The following NEDD1 variants were observed in gnomAD, a reference collection of about 807,000 sequenced individuals.
NEDD1 encodes protein NEDD1.
In NEDD1, 33 loss-of-function variants were observed where a neutral mutation model predicts 74.0. The ratio of observed to expected loss-of-function variants is 0.45; its 90% confidence interval spans 0.34 to 0.60. NEDD1 has a LOEUF of 0.60. Among genes scored for constraint, NEDD1 ranks in the 20% least tolerant of loss-of-function variants. NEDD1 has a pLI of 0.01. For missense variants in NEDD1, 746 were observed against 776.5 expected (o/e 0.96, Z 0.47); for synonymous variants, 250 against 264.4 (o/e 0.95, Z 0.53).
chr12:96,937,014 ATCTC>A (rs1325602145), intron 8 of NEDD1, among the ~76,000 whole-genome samples, 180 bp from the exon 9 acceptor site: 1 of 150,802 alleles, frequency 6.6e-6, no homozygotes, highest in Admixed American at 6.6e-5. Context: ...CTCCTTATAT[ATCTC>A]TCTTTTTAAA....
intron 6 of NEDD1, among the ~76,000 whole-genome samples, chr12:96,931,504 C>G (rs1266425661): frequency 6.6e-6 from 1 of 151,892 alleles, no homozygotes; most frequent in Admixed American, 6.6e-5. Context: ...GAGCAGTTTG[C>G]AAAAGAAGAA....
intron 6 of NEDD1, among the ~76,000 whole-genome samples, chr12:96,929,607 G>GTA (rs71078437): frequency 0.27 from 22,781 of 83,014 alleles, 2,137 homozygotes; most frequent in South Asian, 0.36. Flanking sequence ...ACACATATGT[G>GTA]TATATATATA....
rs571638828 is a variant in NEDD1 at position 96,943,118 on chromosome 12, C to T, written c.1295-442C>T. Among the ~76,000 whole-genome samples the T allele has an allele frequency of 6.6e-5, 10 of 152,122 alleles. No homozygotes were observed. The South Asian group carries it at 1.0e-3, about 16-fold the overall frequency. ...GAAGCAAGTTACTAGGTCCAAGCCACGTTCAAAGGGAGGAGATTACCCAAG... is the reference window on the plus strand; with the variant it reads ...GAAGCAAGTTACTAGGTCCAAGCCATGTTCAAAGGGAGGAGATTACCCAAG... On this transcript the variant is annotated intron_variant, in intron 11 of 15. Transcript: ENST00000266742.
At chr12:96,922,396 T>A (rs559776474) in intron 6 of NEDD1, among the ~76,000 whole-genome samples, 1 of 152,234 alleles carries the variant, frequency 6.6e-6, no homozygotes, top group African/African-American at 2.4e-5. Flanking sequence ...GGACATAGAG[T>A]AACTTTCTTT....
chr12:96,943,941 C>T (rs572621895), intron 12 of NEDD1, among the ~76,000 whole-genome samples, 179 bp downstream of exon 12: 2 of 152,130 alleles, frequency 1.3e-5, no homozygotes, highest in East Asian at 1.9e-4. Flanking sequence ...TTGAAGGTTA[C>T]AGCAGATGGA....
At chr12:96,932,489 A>ATATATATATATATATATATATATATAG (rs1201702643) in intron 6 of NEDD1, among the ~76,000 whole-genome samples, 4 of 58,510 alleles carry the variant, frequency 6.8e-5, no homozygotes, top group Non-Finnish European at 1.5e-4. Flanking sequence ...TATATATATA[A>ATATATATATATATATATATATATATAG]AATGCACACA....
chr12:96,942,598 G>GTGA lies in NEDD1; in HGVS notation c.1272_1274dup (p.Asp424dup). 1 of 1,525,222 alleles carries GTGA rather than the reference G, an allele frequency of 6.6e-7. No individual in the cohort carries two copies. Among genetic ancestry groups the GTGA allele is most frequent in the Non-Finnish European group, 9.1e-7 (1 of 1,101,144 alleles). The allele number at this position is 1,525,222 out of a possible 1,614,324, so 94.5% of individuals were successfully genotyped here. ...ATAGATGCTGTAGTTAACAAGGGAA[G>GTGA]TGATGAGTCCATAGGCAAAGGAGAT... On this transcript the variant is annotated inframe_insertion, in exon 11 of 16. Transcript: ENST00000266742.
At chr12:96,941,429 T>C (rs914733685) in intron 10 of NEDD1, among the ~76,000 whole-genome samples, 17 of 152,248 alleles carry the variant, frequency 1.1e-4, no homozygotes, top group African/African-American at 4.1e-4. Flanking sequence ...TGCCTTACCC[T>C]GGCCTGCAAA....
intron 6 of NEDD1, among the ~76,000 whole-genome samples, chr12:96,932,457 A>ATATATATATATATAT (rs1167914093): frequency 4.7e-4 from 6 of 12,760 alleles, no homozygotes; most frequent in East Asian, 8.7e-3. Flanking sequence ...AAAAAAAAAA[A>ATATATATATATATAT]AAAAAAATAT....
At chr12:96,947,221 T>C (rs933649934) in intron 14 of NEDD1, among the ~76,000 whole-genome samples, 2 of 152,178 alleles carry the variant, frequency 1.3e-5, no homozygotes, top group African/African-American at 4.8e-5. Context: ...ATACGTTTTT[T>C]TCAGGAGTGC....
chr12:96,919,111 A>C (rs1206447192), intron 5 of NEDD1, among the ~76,000 whole-genome samples: 1 of 152,188 alleles, frequency 6.6e-6, no homozygotes, highest in African/African-American at 2.4e-5. Context: ...AATTTTGGTC[A>C]CTTTTCTCTC....
intron 14 of NEDD1, among the ~76,000 whole-genome samples, chr12:96,950,866 T>C (rs1002408846): frequency 1.3e-5 from 2 of 151,936 alleles, no homozygotes; most frequent in Non-Finnish European, 2.9e-5. Context: ...CTTAATAATT[T>C]TTACATATTC....
intron 1 of NEDD1, 78 bp from the exon 2 acceptor site, chr12:96,907,526 G>A: frequency 8.3e-7 from 1 of 1,207,052 alleles, no homozygotes. Context: ...TGTGGGGTGT[G>A]CTGCCTCCGA....
At chr12:96,920,442 ATG>A (rs1874947830) in intron 6 of NEDD1, among the ~76,000 whole-genome samples, 1 of 152,184 alleles carries the variant, frequency 6.6e-6, no homozygotes, top group African/African-American at 2.4e-5. Context: ...TGTTATAGAA[ATG>A]TGTCACATAG....
At chr12:96,926,732 C>T (rs571162687) in intron 6 of NEDD1, among the ~76,000 whole-genome samples, 1 of 152,174 alleles carries the variant, frequency 6.6e-6, no homozygotes, top group South Asian at 2.1e-4. Context: ...GTGGTTCACA[C>T]CTGGAATCCC....
Position 96,935,112 on chromosome 12 carries a change from C to T in NEDD1, c.626C>T (p.Ala209Val), listed in dbSNP as rs780983875. ...HNFDSVHKAP[A>V]SGICFSPVNE... Reference sequence around the variant, plus strand: ...TTTGACAGTGTACACAAAGCTCCAGCGTCAGGCATCTGTTTTTCTCCTGTC... The same window carrying T: ...TTTGACAGTGTACACAAAGCTCCAGTGTCAGGCATCTGTTTTTCTCCTGTC... Residue 209 changes from alanine to valine, a missense_variant, in exon 7 of 16, where the codon GCG (alanine) becomes GTG (valine). By Grantham distance (64) the Ala-to-Val change is moderately conservative (BLOSUM62 0). This residue lies in a region of NEDD1 where 706 missense variants were observed against 706.7 expected (regional missense o/e 1.00). Coordinates refer to ENST00000266742, the MANE Select transcript of NEDD1 (RefSeq NM_152905.4). 9.9e-6 allele frequency: 16 copies of T among 1,612,564 alleles called. No homozygotes were observed. The highest frequency in any genetic ancestry group is 6.7e-5 in the East Asian group (3 of 44,874).
intron 14 of NEDD1, among the ~76,000 whole-genome samples, chr12:96,946,862 T>G (rs1878248417): frequency 6.6e-6 from 1 of 152,306 alleles, no homozygotes; most frequent in African/African-American, 2.4e-5. Flanking sequence ...CCCGTCAGCA[T>G]CCATCTCTTT....
intron 6 of NEDD1, among the ~76,000 whole-genome samples, chr12:96,921,632 G>A (rs550430301): frequency 6.6e-6 from 1 of 151,120 alleles, no homozygotes; most frequent in African/African-American, 2.4e-5. Context: ...CAAAGATTTT[G>A]TTAGGCAAAT....
intron 5 of NEDD1, among the ~76,000 whole-genome samples, chr12:96,919,590 A>G (rs975828111): frequency 1.3e-5 from 2 of 152,234 alleles, no homozygotes; most frequent in Admixed American, 6.6e-5. Context: ...TATGTCTTCC[A>G]TAAAGTTTCC....
Sources: gnomAD v4.1 joint callset for allele counts (sites outside exome capture counted in the v4.1 genomes callset) on GRCh38, gnomAD v4.1.1 for gene constraint, gnomAD v4.1.1 regional missense constraint, MANE v1.5 for transcripts, NCBI Gene and HGNC (gene_info 2026-07-23, HGNC 2026-07-21) for gene names.